Variants in ZNF605 observed in about 807,000 individuals in gnomAD.
ZNF605 encodes the protein zinc finger protein 605.
ZNF605 carries 9 observed loss-of-function variants against 7.9 expected under a neutral mutation model. The observed-to-expected ratio is 1.14, with a 90% CI of 0.68 to 1.98. ZNF605 has a LOEUF of 1.98. Among genes scored for constraint, ZNF605 ranks in the 30% most tolerant of loss-of-function variants. ZNF605 has a pLI of 0.00. For synonymous variants in ZNF605, 255 were observed against 260.1 expected, an observed-to-expected ratio of 0.98 and a Z score of 0.19; for missense variants, 673 against 762.4, an observed-to-expected ratio of 0.88 and a Z score of 1.38.
Position 132,945,679 on chromosome 12 carries a change from A to G in ZNF605, c.-44T>C. On this transcript the variant is annotated 5_prime_UTR_variant, in exon 3 of 5. Coordinates refer to ENST00000360187, the MANE Select transcript of ZNF605 (RefSeq NM_183238.4). ...AATCTGCTGTTTTGTGACTTCTCTTAGTCCTGACACCCTGGAGTGGCCTCT... is the reference window on the plus strand; with the variant it reads ...AATCTGCTGTTTTGTGACTTCTCTTGGTCCTGACACCCTGGAGTGGCCTCT... The G allele has an allele frequency of 1.2e-6, 2 of 1,614,242 alleles. No homozygotes were observed. Among genetic ancestry groups the G allele is most frequent in the Non-Finnish European group, 1.7e-6 (2 of 1,180,054 alleles).
chr12:132,946,486 A>T (rs1193604612), intron 2 of ZNF605, among the ~76,000 whole-genome samples: 1 of 152,220 alleles, frequency 6.6e-6, no homozygotes, highest in East Asian at 1.9e-4. Flanking sequence ...GGAATGTCTT[A>T]TGTTGCCTCT....
chr12:132,953,535 T>C (rs996493041), intron 1 of ZNF605, among the ~76,000 whole-genome samples: 17 of 152,288 alleles, frequency 1.1e-4, no homozygotes, highest in African/African-American at 3.8e-4. Flanking sequence ...CAAGCAATTC[T>C]CCTGCCTCAG....
rs1394397144 is a variant in ZNF605, at chr12:132,918,697, C to T, written c.*6676G>A. On this transcript the variant is annotated 3_prime_UTR_variant, in exon 5 of 5. Coordinates refer to ENST00000360187, the MANE Select transcript of ZNF605 (RefSeq NM_183238.4). The stretch of plus-strand genomic sequence containing the variant: ...CTGGGTTCATGTGATTTGCCCACCT[C>T]AGCCTCCCGAGCAGCTGGGTTTACA... 6.6e-6 allele frequency: 1 copy of T among 152,320 alleles called. No individual in the cohort carries two copies. The highest frequency in any genetic ancestry group is 6.5e-5 in the Admixed American group (1 of 15,284). 9.4% of individuals were successfully genotyped at this position (152,320 alleles called of 1,614,324 possible). A position where few individuals can be genotyped will look rare whatever the true frequency, so the allele number is the denominator to read the frequency against.
chr12:132,947,711 A>T (rs1363911016), intron 2 of ZNF605, among the ~76,000 whole-genome samples: 1 of 152,038 alleles, frequency 6.6e-6, no homozygotes, highest in Non-Finnish European at 1.5e-5. Context: ...ATTTCCCCAA[A>T]TAATCAGGCC....
intron 3 of ZNF605, among the ~76,000 whole-genome samples, chr12:132,937,762 A>G (rs998916455): frequency 6.6e-6 from 1 of 151,982 alleles, no homozygotes; most frequent in South Asian, 2.1e-4. Flanking sequence ...ATGCAGATGA[A>G]TGCTTTATTC....
At chr12:132,938,216 G>C (rs1952388647) in intron 3 of ZNF605, among the ~76,000 whole-genome samples, 1 of 152,160 alleles carries the variant, frequency 6.6e-6, no homozygotes, top group Non-Finnish European at 1.5e-5. Context: ...TCCTGACCTT[G>C]TGATCCACCT....
chr12:132,937,500 A>AACACACACACACACAG (rs1340436316), intron 3 of ZNF605, among the ~76,000 whole-genome samples: 1 of 151,476 alleles, frequency 6.6e-6, no homozygotes, highest in Admixed American at 6.6e-5. Context: ...GCTAAAACTA[A>AACACACACACACACAG]ACACACACAC....
chr12:132,939,728 A>T, intron 3 of ZNF605, among the ~76,000 whole-genome samples: 1 of 152,266 alleles, frequency 6.6e-6, no homozygotes, highest in Middle Eastern at 3.4e-3. Context: ...CCTCTTCCAC[A>T]CTGTGCAGGC....
intron 2 of ZNF605, among the ~76,000 whole-genome samples, chr12:132,946,004 C>G (rs1034128980): frequency 6.6e-6 from 1 of 152,148 alleles, no homozygotes; most frequent in African/African-American, 2.4e-5. Flanking sequence ...TAGGCCAGGT[C>G]TGCAGTACGC....
intron 4 of ZNF605, among the ~76,000 whole-genome samples, chr12:132,930,888 A>G (rs1952301900): frequency 6.6e-6 from 1 of 152,108 alleles, no homozygotes. Context: ...CACCCCTGTA[A>G]TCTCAGTTTC....
chr12:132,944,537 G>A (rs1358402824), intron 3 of ZNF605, among the ~76,000 whole-genome samples: 3 of 152,152 alleles, frequency 2.0e-5, no homozygotes, highest in Admixed American at 6.6e-5. Context: ...GCATACTTAT[G>A]GGGACCATTT....
At chr12:132,946,932 G>A (rs1053691039) in intron 2 of ZNF605, among the ~76,000 whole-genome samples, 5 of 152,206 alleles carry the variant, frequency 3.3e-5, no homozygotes, top group African/African-American at 1.2e-4. Context: ...GCCTGGAAGG[G>A]CAAATATAGA....
intron 3 of ZNF605, among the ~76,000 whole-genome samples, chr12:132,940,519 T>G (rs1952425470): frequency 6.6e-6 from 1 of 151,598 alleles, no homozygotes; most frequent in Non-Finnish European, 1.5e-5. Context: ...CGGTCCTGAG[T>G]GTATTGTTGA....
chr12:132,950,991 C>CACACAT (rs1952556691), intron 1 of ZNF605, among the ~76,000 whole-genome samples: 2 of 151,928 alleles, frequency 1.3e-5, no homozygotes, highest in African/African-American at 4.8e-5. Context: ...ACATGTACAT[C>CACACAT]ACACGCAGAC....
intron 1 of ZNF605, among the ~76,000 whole-genome samples, chr12:132,950,887 TACTC>T (rs200691562): frequency 8.2e-4 from 120 of 145,658 alleles, no homozygotes; most frequent in South Asian, 2.4e-3. Context: ...ACATCACACA[TACTC>T]ACAGACGCAC....
At chr12:132,955,382 T>C (rs919254404) in intron 1 of ZNF605, among the ~76,000 whole-genome samples, 81 of 151,670 alleles carry the variant, frequency 5.3e-4, no homozygotes, top group Middle Eastern at 3.4e-3. Context: ...CTCAAGAAAA[T>C]GGGGAAAGGA....
intron 2 of ZNF605, among the ~76,000 whole-genome samples, chr12:132,947,815 G>A (rs1161952725): frequency 6.6e-6 from 1 of 150,838 alleles, no homozygotes; most frequent in African/African-American, 2.4e-5. Context: ...TGTTGCCAGG[G>A]CTGGAGTGCA....
At chr12:132,951,449 C>T (rs990820218) in intron 1 of ZNF605, among the ~76,000 whole-genome samples, 1 of 149,740 alleles carries the variant, frequency 6.7e-6, no homozygotes, top group East Asian at 2.0e-4. Context: ...GTATCTCATA[C>T]ATATACACAC....
intron 3 of ZNF605, among the ~76,000 whole-genome samples, chr12:132,935,575 A>G (rs1952355341): frequency 6.6e-6 from 1 of 151,802 alleles, no homozygotes; most frequent in Non-Finnish European, 1.5e-5. Flanking sequence ...GTACAGAGTA[A>G]AAGAGAAACC....
Sources: gnomAD v4.1 joint callset for allele counts (sites outside exome capture counted in the v4.1 genomes callset) on GRCh38, gnomAD v4.1.1 for gene constraint, MANE v1.5 for transcripts, NCBI Gene and HGNC (gene_info 2026-07-23, HGNC 2026-07-21) for gene names.